The following MOB3B variants were observed in gnomAD, a reference collection of about 807,000 sequenced individuals.
MOB3B encodes MOB kinase activator 3B, also known as MOB kinase activator-like 2B.
A neutral mutation model predicts 18.7 loss-of-function variants in MOB3B; 7 were observed. The ratio of observed to expected loss-of-function variants is 0.37; its 90% CI spans 0.21 to 0.70. The LOEUF (loss-of-function observed/expected upper bound fraction) is 0.70, where lower values mean the gene tolerates loss of function less well. MOB3B is among the 30% of genes least tolerant of loss of function. The pLI, the probability that MOB3B is intolerant of heterozygous loss-of-function variation, is 0.52. For synonymous variants in MOB3B, 111 were observed against 99.9 expected (o/e 1.11, Z -0.66); for missense variants, 253 against 281.3 (o/e 0.90, Z 0.72).
chr9:27,354,203 C>A (rs1170919145), intron 3 of MOB3B, among the ~76,000 whole-genome samples: 2 of 152,218 alleles, frequency 1.3e-5, no homozygotes, highest in Admixed American at 1.3e-4. Flanking sequence ...CCAGGGTGAC[C>A]TCTTCCCAGC....
At chr9:27,391,093 T>C (rs561791837) in intron 2 of MOB3B, among the ~76,000 whole-genome samples, 1 of 152,272 alleles carries the variant, frequency 6.6e-6, no homozygotes, top group Admixed American at 6.5e-5. Flanking sequence ...GAAGTTTGAG[T>C]TAGTCAGGCA....
intron 3 of MOB3B, among the ~76,000 whole-genome samples, chr9:27,352,072 C>A (rs1312708345): frequency 6.6e-6 from 1 of 152,072 alleles, no homozygotes; most frequent in Admixed American, 6.6e-5. Flanking sequence ...TGAGAAACTG[C>A]CCATCACATC....
At chr9:27,419,225 C>T (rs1434618967) in intron 2 of MOB3B, among the ~76,000 whole-genome samples, 1 of 152,074 alleles carries the variant, frequency 6.6e-6, no homozygotes, top group Admixed American at 6.6e-5. Flanking sequence ...AAAATGAACA[C>T]ACTGACAAAG....
chr9:27,442,779 T>C (rs1822615289), intron 2 of MOB3B, among the ~76,000 whole-genome samples: 1 of 152,226 alleles, frequency 6.6e-6, no homozygotes, highest in East Asian at 1.9e-4. Context: ...AGCACTTTTG[T>C]GCTAGTTCTC....
intron 3 of MOB3B, among the ~76,000 whole-genome samples, chr9:27,341,088 T>A (rs992630141): frequency 1.3e-5 from 2 of 152,198 alleles, no homozygotes; most frequent in Non-Finnish European, 2.9e-5. Context: ...AATTCTCACA[T>A]TTGCTTCTGT....
intron 2 of MOB3B, among the ~76,000 whole-genome samples, chr9:27,410,903 T>G (rs1822056090): frequency 6.6e-6 from 1 of 152,212 alleles, no homozygotes; most frequent in African/African-American, 2.4e-5. Context: ...TTTTTTAACT[T>G]TACACTGCAA....
chr9:27,509,872 G>A (rs2477520), intron 1 of MOB3B, among the ~76,000 whole-genome samples: 39,572 of 151,982 alleles, frequency 0.26, 5,296 homozygotes, highest in East Asian at 0.34. Flanking sequence ...TTACAGGCGC[G>A]CAGCACCGCG....
At chr9:27,370,796 G>A (rs2131366786) in intron 2 of MOB3B, among the ~76,000 whole-genome samples, 1 of 152,318 alleles carries the variant, frequency 6.6e-6, no homozygotes, top group South Asian at 2.1e-4. Context: ...GTGCGGGAGT[G>A]GTGAAGAGCT....
At chr9:27,358,737 A>G (rs957027433) in intron 3 of MOB3B, 12 of 567,456 alleles carry the variant, frequency 2.1e-5, no homozygotes, top group African/African-American at 1.3e-4. Context: ...AAGGAATTCA[A>G]TAAGTGGAAG....
At chr9:27,365,841 C>T (rs1821335836) in intron 2 of MOB3B, among the ~76,000 whole-genome samples, 1 of 152,176 alleles carries the variant, frequency 6.6e-6, no homozygotes, top group African/African-American at 2.4e-5. Context: ...TTAGTTTCTG[C>T]AAACGGACCA....
At chr9:27,423,150 T>C (rs972336613) in intron 2 of MOB3B, among the ~76,000 whole-genome samples, 8 of 152,222 alleles carry the variant, frequency 5.3e-5, no homozygotes, top group Admixed American at 1.3e-4. Context: ...GCACTGGCCT[T>C]GCCTGTGACT....
chr9:27,408,532 A>G (rs1048016174), intron 2 of MOB3B, among the ~76,000 whole-genome samples: 2 of 152,142 alleles, frequency 1.3e-5, no homozygotes, highest in Non-Finnish European at 1.5e-5. Flanking sequence ...ATTTGGTTAC[A>G]TGAAGCTACA....
chr9:27,498,859 G>C (rs1294585271), intron 1 of MOB3B, among the ~76,000 whole-genome samples: 1 of 152,028 alleles, frequency 6.6e-6, no homozygotes, highest in Non-Finnish European at 1.5e-5. Context: ...TATTTTTATA[G>C]GTTGATAACT....
chr9:27,519,369 A>G (rs1820290918), intron 1 of MOB3B, among the ~76,000 whole-genome samples: 1 of 152,176 alleles, frequency 6.6e-6, no homozygotes. Flanking sequence ...ATCATCTCCA[A>G]ATGATATCCT....
intron 1 of MOB3B, among the ~76,000 whole-genome samples, chr9:27,488,056 G>C (rs1020078616): frequency 6.6e-6 from 1 of 152,202 alleles, no homozygotes; most frequent in Non-Finnish European, 1.5e-5. Context: ...CTTGAGTCAG[G>C]TGACCATCAT....
rs57850999 is a variant in MOB3B at position 27,418,091 on chromosome 9, C to CAAAAAAAAAAAA, written c.418+37030_418+37041dup. On this transcript the variant is annotated intron_variant, in intron 2 of 3. Coordinates refer to ENST00000262244, the MANE Select transcript of MOB3B (RefSeq NM_024761.5). ...TGGGAGACAGGGTGAGACTCCACCT[C>CAAAAAAAAAAAA]AAAAAAAAAAAAAAAAAAAAAGTAA... is the stretch of plus-strand genomic sequence containing the variant. Among the ~76,000 whole-genome samples the CAAAAAAAAAAAA allele has an allele frequency of 1.8e-4, 8 of 44,082 alleles. 1 individual carries two copies. Among genetic ancestry groups the CAAAAAAAAAAAA allele is most frequent in the South Asian group, 1.5e-3 (1 of 672 alleles). 28.9% of individuals were successfully genotyped at this position (44,082 alleles called of 152,430 possible).
chr9:27,403,124 A>G (rs939337100), intron 2 of MOB3B, among the ~76,000 whole-genome samples: 1 of 152,230 alleles, frequency 6.6e-6, no homozygotes, highest in African/African-American at 2.4e-5. Flanking sequence ...ACCACTAGGA[A>G]AGCAGGAAAG....
chr9:27,486,996 T>G (rs1204671467), intron 1 of MOB3B, among the ~76,000 whole-genome samples: 1 of 152,004 alleles, frequency 6.6e-6, no homozygotes, highest in Non-Finnish European at 1.5e-5. Context: ...CTGGGTGTGG[T>G]GTCACATGTC....
chr9:27,427,855 T>A (rs911159153), intron 2 of MOB3B, among the ~76,000 whole-genome samples: 2 of 152,092 alleles, frequency 1.3e-5, no homozygotes, highest in African/African-American at 4.8e-5. Context: ...TTTGCTTCCC[T>A]CCCTCCTAGG....
Sources: gnomAD v4.1 joint callset for allele counts (sites outside exome capture counted in the v4.1 genomes callset) on GRCh38, gnomAD v4.1.1 for gene constraint, MANE v1.5 for transcripts, NCBI Gene and HGNC (gene_info 2026-07-23, HGNC 2026-07-21) for gene names.